The following HRH1 variants were observed in gnomAD, a reference collection of about 807,000 sequenced individuals.
The protein encoded by HRH1 is histamine H1 receptor.
A neutral mutation model predicts 10.3 loss-of-function variants in HRH1; 6 were observed. The observed-to-expected ratio is 0.58, with a 90% CI of 0.32 to 1.15. The LOEUF (loss-of-function observed/expected upper bound fraction) is 1.15. Among genes scored for constraint, HRH1 ranks in the 50% most tolerant of loss-of-function variants. HRH1 has a pLI of 0.05. For missense variants in HRH1, 514 were observed against 615.3 expected, an observed-to-expected ratio of 0.84 and a Z score of 1.74; for synonymous variants, 242 against 236.7, an observed-to-expected ratio of 1.02 and a Z score of -0.21.
intron 1 of HRH1, among the ~76,000 whole-genome samples, chr3:11,219,798 C>T (rs184271641): frequency 1.3e-4 from 19 of 151,172 alleles, no homozygotes; most frequent in Admixed American, 7.9e-4. Flanking sequence ...CTGCAAGACA[C>T]GTCCATTCAG....
At chr3:11,151,148 T>A (rs935741901), upstream of HRH1, among the ~76,000 whole-genome samples, 1 of 152,216 alleles carries the variant, frequency 6.6e-6, no homozygotes, top group Non-Finnish European at 1.5e-5. Context: ...GGACTGGGTA[T>A]GTGATCCAGG....
chr3:11,191,652 T>C (rs958834707), intron 1 of HRH1, among the ~76,000 whole-genome samples: 1 of 152,198 alleles, frequency 6.6e-6, no homozygotes. Context: ...GGGGCCAGCA[T>C]GGAGACAGCC....
chr3:11,189,126 A>C (rs1168512626), intron 1 of HRH1, among the ~76,000 whole-genome samples: 1 of 152,214 alleles, frequency 6.6e-6, no homozygotes, highest in African/African-American at 2.4e-5. Flanking sequence ...CCCATTTTAC[A>C]GAATGGGCTC....
intron 1 of HRH1, among the ~76,000 whole-genome samples, chr3:11,163,240 T>A (rs1033183088): frequency 6.6e-5 from 10 of 152,164 alleles, no homozygotes; most frequent in Admixed American, 2.6e-4. Flanking sequence ...CAGGCTTCTC[T>A]ACCTCCAGGC....
intron 1 of HRH1, among the ~76,000 whole-genome samples, chr3:11,145,676 T>C (rs1441400132): frequency 6.6e-6 from 1 of 152,198 alleles, no homozygotes; most frequent in African/African-American, 2.4e-5. Context: ...TCTATACATC[T>C]GTGTAACCAT....
chr3:11,179,203 G>A (rs148374272), intron 1 of HRH1, among the ~76,000 whole-genome samples: 2,439 of 152,144 alleles, frequency 0.016, 32 homozygotes, highest in Non-Finnish European at 0.025. Context: ...CAGGAGAATC[G>A]CTGGAACCCA....
intron 1 of HRH1, among the ~76,000 whole-genome samples, chr3:11,144,625 T>A (rs1936390655): frequency 6.6e-6 from 1 of 151,480 alleles, no homozygotes; most frequent in Non-Finnish European, 1.5e-5. Flanking sequence ...AGAGATGGGG[T>A]CATCACCACT....
chr3:11,220,833 T>C (rs540723410), intron 1 of HRH1, among the ~76,000 whole-genome samples: 5 of 152,212 alleles, frequency 3.3e-5, no homozygotes, highest in Non-Finnish European at 7.3e-5. Context: ...ATTATTTTGC[T>C]GCATTTCATG....
intron 1 of HRH1, among the ~76,000 whole-genome samples, chr3:11,189,951 A>G (rs1937511877): frequency 6.6e-6 from 1 of 152,038 alleles, no homozygotes; most frequent in African/African-American, 2.4e-5. Flanking sequence ...CTCTGTTTCA[A>G]AAAAAGAAAA....
upstream of HRH1, among the ~76,000 whole-genome samples, chr3:11,152,342 G>T (rs1422903605): frequency 6.6e-6 from 1 of 152,066 alleles, no homozygotes; most frequent in Non-Finnish European, 1.5e-5. Context: ...TACAGCCTGG[G>T]GTACCTCCTG....
chr3:11,223,936 A>C lies in HRH1; in HGVS notation c.-35-35067A>C, dbSNP rs192516676. ...TGAAGACTGGGCCCTTCTCTCCAGG[A>C]TGACTCTTCCGCAGCCTTGAGGGGA... On this transcript the variant is annotated intron_variant, in intron 1 of 1. Coordinates refer to ENST00000431010, the MANE Select transcript of HRH1 (RefSeq NM_001098212.2). 1.2e-3 allele frequency among the ~76,000 whole-genome samples: 190 copies of C among 152,254 alleles called. 1 individual carries two copies. The highest frequency in any genetic ancestry group is 2.0e-3 in the Non-Finnish European group (134 of 68,008).
upstream of HRH1, among the ~76,000 whole-genome samples, chr3:11,151,202 T>C (rs986321447): frequency 2.6e-5 from 4 of 152,218 alleles, no homozygotes; most frequent in South Asian, 2.1e-4. Flanking sequence ...CTGGAAATAT[T>C]TGGAAAGACG....
chr3:11,239,167 A>G (rs916626951), intron 1 of HRH1, among the ~76,000 whole-genome samples: 1 of 152,182 alleles, frequency 6.6e-6, no homozygotes, highest in African/African-American at 2.4e-5. Context: ...ATCTTCACCA[A>G]CACTTGTTAT....
chr3:11,163,331 C>T (rs977922302), intron 1 of HRH1, among the ~76,000 whole-genome samples: 1 of 152,202 alleles, frequency 6.6e-6, no homozygotes, highest in Non-Finnish European at 1.5e-5. Flanking sequence ...CCAGTGACAT[C>T]CTCTGCAGCC....
Position 11,259,471 on chromosome 3 carries a change from C to T in HRH1, c.434C>T (p.Ser145Leu), listed in dbSNP as rs773371879. The change falls in exon 2 of 2, where the codon TCG becomes TTG. Residue 145 changes from serine to leucine, a missense_variant. Physicochemically the swap from Ser to Leu is moderately radical, Grantham distance 145. Coordinates refer to ENST00000431010, the MANE Select transcript of HRH1 (RefSeq NM_001098212.2). This position sits in a 1 kb window ranked among gnomAD's most constrained non-coding sequence, Gnocchi z 4.6. ...AAGTATCGTACCAAGACCCGAGCCT[C>T]GGCCACCATTCTGGGGGCCTGGTTT... ...YLKYRTKTRA[S>L]ATILGAWFLS... is the part of the protein sequence containing the mutation. The T allele has an allele frequency of 1.5e-5, 24 of 1,613,852 alleles. No homozygotes were observed. The highest frequency in any genetic ancestry group is 1.0e-4 in the Admixed American group (6 of 59,976).
rs541919003 is a variant in HRH1 at position 11,197,814 on chromosome 3, CTGTT to C, written c.-36+43264_-36+43267del. 9.1e-4 allele frequency among the ~76,000 whole-genome samples: 138 copies of C among 152,294 alleles called. 1 individual carries two copies. Among genetic ancestry groups the C allele is most frequent in the Non-Finnish European group, 1.8e-3 (124 of 68,030 alleles). Reference sequence around the variant, plus strand: ...ATTGCAGGCTCCTCTGCTGTCTACACTGTTTGTAACCCTCCAGCATTAACTCTTG... The same window carrying C: ...ATTGCAGGCTCCTCTGCTGTCTACACTGTAACCCTCCAGCATTAACTCTTG... On this transcript the variant is annotated intron_variant, in intron 1 of 1. Coordinates refer to ENST00000431010, the MANE Select transcript of HRH1 (RefSeq NM_001098212.2).
chr3:11,157,691 A>C (rs887974169), intron 1 of HRH1, among the ~76,000 whole-genome samples: 3 of 152,230 alleles, frequency 2.0e-5, no homozygotes, highest in Non-Finnish European at 4.4e-5. Context: ...CAGGGGGATC[A>C]CATGGGCCAG....
intron 1 of HRH1, among the ~76,000 whole-genome samples, chr3:11,229,594 G>C (rs559496763): frequency 6.6e-6 from 1 of 152,162 alleles, no homozygotes; most frequent in Non-Finnish European, 1.5e-5. Flanking sequence ...ACCTCCAAGA[G>C]AGTCTCAATT....
At chr3:11,235,214 CA>C (rs111638451) in intron 1 of HRH1, among the ~76,000 whole-genome samples, 2,274 of 128,312 alleles carry the variant, frequency 0.018, 41 homozygotes, top group African/African-American at 0.055. Context: ...GACTCCATCT[CA>C]AAAAAAAAAA....
Sources: allele counts gnomAD v4.1 joint callset (sites outside exome capture counted in the v4.1 genomes callset), GRCh38; gene constraint gnomAD v4.1.1; non-coding constraint Gnocchi (gnomAD v3.1); transcripts MANE v1.5; gene names NCBI Gene and HGNC (gene_info 2026-07-23, HGNC 2026-07-21).